The following EIF2B3 variants were observed in gnomAD, a reference collection of about 807,000 sequenced individuals.
The protein encoded by EIF2B3 is eukaryotic translation initiation factor 2B subunit gamma, also known as translation initiation factor eIF2B subunit gamma.
Under a neutral mutation model 54.1 loss-of-function variants are expected in EIF2B3, and 20 were observed. The ratio of observed to expected loss-of-function variants is 0.37; its 90% CI spans 0.26 to 0.54. The LOEUF (loss-of-function observed/expected upper bound fraction) is 0.54, where lower values mean the gene tolerates loss of function less well. Among genes scored for constraint, EIF2B3 ranks in the 20% least tolerant of loss-of-function variants. EIF2B3 has a pLI of 0.86. For missense variants in EIF2B3, 448 were observed against 547.8 expected (o/e 0.82, Z 1.82); for synonymous variants, 153 against 188.1 (o/e 0.81, Z 1.52).
At chr1:44,941,429 GT>G in intron 4 of EIF2B3, 76 bp downstream of exon 4, 2 of 1,492,930 alleles carry the variant, frequency 1.3e-6, no homozygotes, top group East Asian at 2.3e-5. Flanking sequence ...CTTAATAAAT[GT>G]TTTTTCAGGG....
At chr1:44,958,529 T>C (rs2148952701) in intron 3 of EIF2B3, 10 of 1,304,790 alleles carry the variant, frequency 7.7e-6, no homozygotes, top group South Asian at 6.3e-5. Flanking sequence ...GGGCTGTCTT[T>C]AGCTTCTGGA....
At chr1:44,860,586 A>T (rs1458928329) in intron 10 of EIF2B3, among the ~76,000 whole-genome samples, 1 of 152,230 alleles carries the variant, frequency 6.6e-6, no homozygotes, top group Non-Finnish European at 1.5e-5. Context: ...ACTGCTAGTA[A>T]CAGATTTAAA....
chr1:44,971,780 C>T (rs912496005), intron 3 of EIF2B3, among the ~76,000 whole-genome samples: 3 of 152,090 alleles, frequency 2.0e-5, no homozygotes, highest in African/African-American at 7.2e-5. Context: ...TGCCTGTAAT[C>T]CCAGCACATT....
At chr1:44,909,810 G>A (rs1278190687) in intron 5 of EIF2B3, among the ~76,000 whole-genome samples, 1 of 152,180 alleles carries the variant, frequency 6.6e-6, no homozygotes, top group African/African-American at 2.4e-5. Context: ...GGCTGGTTAG[G>A]AGCAGCAGAG....
intron 3 of EIF2B3, among the ~76,000 whole-genome samples, chr1:44,945,083 T>C (rs1440067665): frequency 6.6e-6 from 1 of 152,172 alleles, no homozygotes; most frequent in Non-Finnish European, 1.5e-5. Context: ...TTTCTTATTC[T>C]GAATATAGAA....
intron 5 of EIF2B3, among the ~76,000 whole-genome samples, chr1:44,906,510 C>T (rs1313509817): frequency 6.6e-6 from 1 of 152,256 alleles, no homozygotes; most frequent in Non-Finnish European, 1.5e-5. Context: ...AAGCGATTCT[C>T]CTGCCTCAGC....
rs1221118214 is a variant in EIF2B3 at position 44,869,489 on chromosome 1, AGC to A, written c.1202+5187_1202+5188del. On this transcript the variant is annotated intron_variant, in intron 10 of 11. Coordinates refer to ENST00000360403, the MANE Select transcript of EIF2B3 (RefSeq NM_020365.5). ...TGAGACTATCTCGGAAAAAAAAAAA[AGC>A]TTTATATTTACTAACTAATTTAGTA... 3.9e-3 allele frequency among the ~76,000 whole-genome samples: 592 copies of A among 151,528 alleles called. 2 individuals carry two copies. The highest frequency in any genetic ancestry group is 0.013 in the African/African-American group (521 of 41,214).
At chr1:44,939,337 A>T (rs973777559) in intron 4 of EIF2B3, among the ~76,000 whole-genome samples, 1 of 152,152 alleles carries the variant, frequency 6.6e-6, no homozygotes, top group South Asian at 2.1e-4. Context: ...ATACTTTTTC[A>T]GAGGATAAAG....
chr1:44,869,745 C>T (rs1373463278), intron 10 of EIF2B3, among the ~76,000 whole-genome samples: 3 of 151,482 alleles, frequency 2.0e-5, no homozygotes, highest in Non-Finnish European at 2.9e-5. Flanking sequence ...GGACTATAGG[C>T]GCGAGCCACC....
intron 3 of EIF2B3, among the ~76,000 whole-genome samples, chr1:44,956,064 C>T (rs565042330): frequency 9.9e-5 from 15 of 152,100 alleles, no homozygotes; most frequent in Non-Finnish European, 2.1e-4. Context: ...CACATGCACA[C>T]GTATGTTTAC....
intron 5 of EIF2B3, among the ~76,000 whole-genome samples, chr1:44,922,836 AT>A (rs386366852): frequency 8.3e-3 from 469 of 56,614 alleles, no homozygotes; most frequent in African/African-American, 0.014. Context: ...TCTTTTTCAG[AT>A]TTTTTTTTTT....
Position 44,881,794 on chromosome 1 carries a change from G to C in EIF2B3, c.657-55C>G. 3 of 1,606,680 alleles carry C rather than the reference G, an allele frequency of 1.9e-6. No individual in the cohort carries two copies. The South Asian group carries it at 3.3e-5, about 18-fold the overall frequency. ...AACCTGACTGTCTGGAACATACCCG[G>C]ATCAAAAGCTCTGTGCATACAAGGA... On this transcript the variant is annotated intron_variant, in intron 6 of 11. Coordinates refer to ENST00000360403, the MANE Select transcript of EIF2B3 (RefSeq NM_020365.5). The surrounding 1 kb of genome is among the most constrained non-coding windows in gnomAD (Gnocchi z 4.0).
At chr1:44,899,579 A>C (rs1456427081) in intron 5 of EIF2B3, among the ~76,000 whole-genome samples, 1 of 152,224 alleles carries the variant, frequency 6.6e-6, no homozygotes, top group Non-Finnish European at 1.5e-5. Flanking sequence ...AGAAATGCTC[A>C]ATATCACTAA....
intron 1 of EIF2B3, among the ~76,000 whole-genome samples, chr1:44,985,206 A>G (rs1296415275): frequency 3.3e-5 from 5 of 152,238 alleles, no homozygotes; most frequent in Admixed American, 6.5e-5. Flanking sequence ...ATGCTGCTTC[A>G]TAATTCTGGT....
At chr1:44,968,236 T>G (rs1306988410) in intron 3 of EIF2B3, among the ~76,000 whole-genome samples, 1 of 151,408 alleles carries the variant, frequency 6.6e-6, no homozygotes, top group Non-Finnish European at 1.5e-5. Flanking sequence ...TGTGGTGGCA[T>G]GTTCCTATAG....
intron 4 of EIF2B3, chr1:44,932,426 TAAAC>T (rs751045576): frequency 9.2e-5 from 14 of 152,264 alleles, no homozygotes; most frequent in East Asian, 3.9e-4. Flanking sequence ...TACCATGTGA[TAAAC>T]AAACAAACAA....
At chr1:44,915,317 A>G (rs779784932) in intron 5 of EIF2B3, among the ~76,000 whole-genome samples, 1 of 151,848 alleles carries the variant, frequency 6.6e-6, no homozygotes, top group Non-Finnish European at 1.5e-5. Flanking sequence ...AAAAATTATT[A>G]TTATTATTTT....
intron 10 of EIF2B3, among the ~76,000 whole-genome samples, chr1:44,873,613 T>G (rs1040467862): frequency 6.6e-6 from 1 of 152,092 alleles, no homozygotes; most frequent in African/African-American, 2.4e-5. Context: ...TCTGAAATAC[T>G]TGGGACCAGA....
At chr1:44,907,594 A>G (rs1292755146) in intron 5 of EIF2B3, among the ~76,000 whole-genome samples, 1 of 149,496 alleles carries the variant, frequency 6.7e-6, no homozygotes, top group East Asian at 2.0e-4. Flanking sequence ...TTGGGACTAC[A>G]GTAGATTGTT....
Sources: allele counts gnomAD v4.1 joint callset (sites outside exome capture counted in the v4.1 genomes callset), GRCh38; gene constraint gnomAD v4.1.1; non-coding constraint Gnocchi (gnomAD v3.1); transcripts MANE v1.5; gene names NCBI Gene and HGNC (gene_info 2026-07-23, HGNC 2026-07-21).